Variants in SPACA7 observed in about 807,000 individuals in gnomAD.
SPACA7 encodes the protein sperm acrosome-associated protein 7.
Under a neutral mutation model 26.3 loss-of-function variants are expected in SPACA7, and 19 were observed. That is an observed-to-expected ratio of 0.72 (90% CI 0.50 to 1.06). The LOEUF is 1.06. Among genes scored for constraint, SPACA7 ranks in the 50% least tolerant of loss-of-function variants. SPACA7 has a pLI of 0.00. For synonymous variants in SPACA7, 84 were observed against 84.5 expected (o/e 0.99, Z 0.04); for missense variants, 211 against 229.9 (o/e 0.92, Z 0.53).
At chr13:112,425,726 T>C (rs1484227647) in intron 5 of SPACA7, among the ~76,000 whole-genome samples, 1 of 152,118 alleles carries the variant, frequency 6.6e-6, no homozygotes, top group Non-Finnish European at 1.5e-5. Flanking sequence ...TTTTGTGCCC[T>C]GGTTGAGAGC....
intron 1 of SPACA7, among the ~76,000 whole-genome samples, chr13:112,387,349 T>A (rs1436591989): frequency 1.3e-5 from 2 of 152,118 alleles, no homozygotes; most frequent in African/African-American, 4.8e-5. Flanking sequence ...CACAGCAAAG[T>A]TTGTAACTGA....
At chr13:112,428,064 A>C (rs942673663) in intron 5 of SPACA7, among the ~76,000 whole-genome samples, 1 of 152,036 alleles carries the variant, frequency 6.6e-6, no homozygotes, top group African/African-American at 2.4e-5. Flanking sequence ...TGCTTATTGT[A>C]AATTTTATTT....
intron 5 of SPACA7, among the ~76,000 whole-genome samples, chr13:112,429,613 A>G (rs1333053328): frequency 6.6e-6 from 1 of 152,156 alleles, no homozygotes; most frequent in Non-Finnish European, 1.5e-5. Context: ...TGCTTCTTGA[A>G]CATATGGTAT....
At chr13:112,382,072 A>G (rs1314741237) in intron 1 of SPACA7, among the ~76,000 whole-genome samples, 4 of 152,172 alleles carry the variant, frequency 2.6e-5, no homozygotes, top group Non-Finnish European at 4.4e-5. Context: ...TTTAAACTAT[A>G]AACTAGGTTT....
intron 1 of SPACA7, among the ~76,000 whole-genome samples, chr13:112,383,203 AAAGAAAGGAAAGAAGG>A: frequency 6.9e-6 from 1 of 144,002 alleles, no homozygotes. Flanking sequence ...GAAAAGAAAG[AAAGAAAGGAAAGAAGG>A]AAGAAAGAAA....
chr13:112,400,360 A>C (rs970547568), intron 4 of SPACA7, among the ~76,000 whole-genome samples: 12 of 152,236 alleles, frequency 7.9e-5, no homozygotes, highest in African/African-American at 2.9e-4. Context: ...CCTGGTGGTC[A>C]GTGTGGTGTT....
intron 5 of SPACA7, among the ~76,000 whole-genome samples, chr13:112,420,089 T>C (rs556177850): frequency 6.6e-6 from 1 of 152,174 alleles, no homozygotes; most frequent in African/African-American, 2.4e-5. Flanking sequence ...TCAACCCCCA[T>C]GCTAATGGCA....
chr13:112,382,468 A>G (rs1182091163), intron 1 of SPACA7: 3 of 1,550,404 alleles, frequency 1.9e-6, no homozygotes, highest in South Asian at 2.4e-5. Flanking sequence ...GCTTCTTCCC[A>G]CTGACAGGGG....
intron 5 of SPACA7, among the ~76,000 whole-genome samples, chr13:112,416,941 T>G (rs551648689): frequency 1.3e-5 from 2 of 152,238 alleles, no homozygotes; most frequent in South Asian, 4.1e-4. Context: ...GACACACAAA[T>G]CTTTAGACTC....
intron 5 of SPACA7, among the ~76,000 whole-genome samples, chr13:112,406,897 A>G (rs1338294151): frequency 6.6e-6 from 1 of 152,198 alleles, no homozygotes; most frequent in Non-Finnish European, 1.5e-5. Context: ...TCTCCACCCC[A>G]AATCAACAGA....
intron 1 of SPACA7, chr13:112,378,806 A>G (rs1883860842): frequency 2.1e-6 from 1 of 468,382 alleles, no homozygotes; most frequent in Non-Finnish European, 4.4e-6. Context: ...CTATGTATCA[A>G]TCTCAAATAT....
intron 5 of SPACA7, among the ~76,000 whole-genome samples, chr13:112,420,147 T>C (rs1035875710): frequency 6.6e-6 from 1 of 152,334 alleles, no homozygotes; most frequent in African/African-American, 2.4e-5. Context: ...ACAGTTTACG[T>C]CAATCTCTAC....
At chr13:112,422,201 C>T (rs1338882962) in intron 5 of SPACA7, among the ~76,000 whole-genome samples, 1 of 152,086 alleles carries the variant, frequency 6.6e-6, no homozygotes, top group Non-Finnish European at 1.5e-5. Flanking sequence ...AAAAGGAAAA[C>T]TAGATCATTT....
At chr13:112,409,986 A>G (rs1383223428) in intron 5 of SPACA7, among the ~76,000 whole-genome samples, 2 of 152,180 alleles carry the variant, frequency 1.3e-5, no homozygotes, top group African/African-American at 2.4e-5. Context: ...TCAATGATAG[A>G]CTGGATTAAG....
In SPACA7 at chr13:112,434,549, A is replaced by G; in HGVS notation, c.588A>G (p.Ter196TrpextTer39). 2.5e-6 allele frequency: 4 copies of G among 1,604,460 alleles called. No individual in the cohort carries two copies. Among genetic ancestry groups the G allele is most frequent in the Non-Finnish European group, 3.4e-6 (4 of 1,176,142 alleles). Residue 196 changes from the stop codon to tryptophan (W), a stop_lost, in exon 7 of 7, where the codon TGA becomes TGG. Transcript: ENST00000283550. ...AGAGGAGGAGCCAAGGCAGTCAGTG[A>G]GGCCGCAGCCCCAGACCCCCTGCGC... ...SAQRRSQGSQ[*>W]
In SPACA7 at chr13:112,391,531, G is replaced by A. The variant is rs1566460460; in HGVS notation, c.95-1490G>A. Among the ~76,000 whole-genome samples, 6 of 152,336 alleles carry A rather than the reference G, an allele frequency of 3.9e-5. No homozygotes were observed. In the South Asian group the frequency reaches 1.2e-3, roughly 32 times the overall value. ...TCACGGAGGCCAGCGTGTGCACGAT[G>A]TAAATATCGAGAAAGAGCAGTGGAT... On this transcript the variant is annotated intron_variant, in intron 1 of 6. Coordinates refer to ENST00000283550, the MANE Select transcript of SPACA7 (RefSeq NM_145248.5).
chr13:112,433,918 G>T (rs1191373114), intron 6 of SPACA7, among the ~76,000 whole-genome samples: 2 of 152,192 alleles, frequency 1.3e-5, no homozygotes, highest in Non-Finnish European at 2.9e-5. Context: ...ACCTTGTCAA[G>T]ATTCCAGTTC....
At chr13:112,391,355 T>A (rs1884875793) in intron 1 of SPACA7, among the ~76,000 whole-genome samples, 1 of 152,182 alleles carries the variant, frequency 6.6e-6, no homozygotes, top group Non-Finnish European at 1.5e-5. Context: ...CCTCAGAAAT[T>A]GAGTTGACCA....
chr13:112,404,978 C>CTTTTTTTT (rs373253878), intron 5 of SPACA7, among the ~76,000 whole-genome samples: 1 of 94,264 alleles, frequency 1.1e-5, no homozygotes, highest in African/African-American at 4.4e-5. Flanking sequence ...GTATTCTCTT[C>CTTTTTTTT]TTTTTTTTTT....
Sources: allele counts gnomAD v4.1 joint callset (sites outside exome capture counted in the v4.1 genomes callset), GRCh38; gene constraint gnomAD v4.1.1; transcripts MANE v1.5; gene names NCBI Gene and HGNC (gene_info 2026-07-23, HGNC 2026-07-21).